RALYL: variants seen among roughly 807,000 people sequenced by gnomAD.
RALYL encodes the protein RALY RNA binding protein like, also known as RNA-binding Raly-like protein.
In RALYL, 29 loss-of-function variants were observed where a neutral mutation model predicts 35.1. The ratio of observed to expected loss-of-function variants is 0.83; its 90% confidence interval spans 0.61 to 1.13. The LOEUF (loss-of-function observed/expected upper bound fraction) is 1.13. Among genes scored for constraint, RALYL ranks in the 50% most tolerant of loss-of-function variants. The probability of loss-of-function intolerance (pLI) is 0.00; values close to 1 mark genes in which losing one functional copy is unlikely to be tolerated. For missense variants in RALYL, 359 were observed against 360.4 expected, an observed-to-expected ratio of 1.00 and a Z score of 0.03; for synonymous variants, 120 against 127.6, an observed-to-expected ratio of 0.94 and a Z score of 0.40.
chr8:84,347,728 T>G (rs561103679), intron 1 of RALYL, among the ~76,000 whole-genome samples: 1 of 152,244 alleles, frequency 6.6e-6, no homozygotes, highest in South Asian at 2.1e-4. Flanking sequence ...AGTCCTCTAA[T>G]TATTTGTGCT....
At chr8:84,684,103 C>T (rs2132036877) in intron 2 of RALYL, among the ~76,000 whole-genome samples, 1 of 152,264 alleles carries the variant, frequency 6.6e-6, no homozygotes, top group African/African-American at 2.4e-5. Context: ...TTCAGCACTA[C>T]TCACTGCTAA....
intron 1 of RALYL, among the ~76,000 whole-genome samples, chr8:84,365,243 A>G (rs1768388414): frequency 6.6e-6 from 1 of 152,190 alleles, no homozygotes; most frequent in Admixed American, 6.5e-5. Context: ...TATATTTTCT[A>G]GAAGGTTCCA....
intron 2 of RALYL, among the ~76,000 whole-genome samples, chr8:84,654,980 G>C (rs1829671797): frequency 6.6e-6 from 1 of 151,974 alleles, no homozygotes; most frequent in South Asian, 2.1e-4. Flanking sequence ...ATATGGTGGG[G>C]GTGGGTCTAT....
At chr8:84,584,672 G>A (rs1248623897) in intron 2 of RALYL, among the ~76,000 whole-genome samples, 1 of 151,724 alleles carries the variant, frequency 6.6e-6, no homozygotes, top group Non-Finnish European at 1.5e-5. Context: ...AAAAAGTTGT[G>A]AATATTTAGG....
chr8:84,723,910 T>C (rs1449500314), intron 2 of RALYL, among the ~76,000 whole-genome samples: 1 of 151,798 alleles, frequency 6.6e-6, no homozygotes, highest in African/African-American at 2.4e-5. Flanking sequence ...TATATTTATT[T>C]CTTTGGGTCA....
intron 1 of RALYL, among the ~76,000 whole-genome samples, chr8:84,378,517 C>T (rs1857358435): frequency 6.6e-6 from 1 of 151,528 alleles, no homozygotes. Flanking sequence ...ACTAGTATAC[C>T]CCTGAAAACA....
At chr8:84,497,642 G>GTTTTTTTTTTTTT (rs71271999) in intron 1 of RALYL, among the ~76,000 whole-genome samples, 48 of 117,212 alleles carry the variant, frequency 4.1e-4, no homozygotes, top group East Asian at 5.0e-4. Flanking sequence ...TTTTGTTTTT[G>GTTTTTTTTTTTTT]TTTTTTTTTT....
intron 1 of RALYL, among the ~76,000 whole-genome samples, chr8:84,471,229 G>T (rs2052700574): frequency 6.6e-6 from 1 of 152,082 alleles, no homozygotes; most frequent in Non-Finnish European, 1.5e-5. Context: ...GCTATTAAGA[G>T]AAATGCAGGT....
intron 1 of RALYL, among the ~76,000 whole-genome samples, chr8:84,216,950 C>T (rs1206875949): frequency 6.6e-6 from 1 of 152,072 alleles, no homozygotes; most frequent in Non-Finnish European, 1.5e-5. Flanking sequence ...AACCAGTATG[C>T]TCTGTTCCTT....
At chr8:84,396,248 T>G (rs1452099327) in intron 1 of RALYL, among the ~76,000 whole-genome samples, 1 of 152,016 alleles carries the variant, frequency 6.6e-6, no homozygotes, top group Non-Finnish European at 1.5e-5. Context: ...TTTGAAAGTT[T>G]TACCTTCCCA....
At chr8:84,679,279 T>A (rs373213926) in intron 2 of RALYL, 74 of 223,462 alleles carry the variant, frequency 3.3e-4, no homozygotes, top group African/African-American at 1.7e-3. Flanking sequence ...ATTACCATGA[T>A]GCCAGTGGAG....
At chr8:84,415,809 T>C (rs1033441871) in intron 1 of RALYL, among the ~76,000 whole-genome samples, 3 of 152,234 alleles carry the variant, frequency 2.0e-5, no homozygotes, top group African/African-American at 4.8e-5. Context: ...TTAGTGTTTC[T>C]GTATTTGTAT....
chr8:84,339,728 C>G (rs1413187001), intron 1 of RALYL, among the ~76,000 whole-genome samples: 1 of 151,912 alleles, frequency 6.6e-6, no homozygotes, highest in African/African-American at 2.4e-5. Context: ...AAACATTTCC[C>G]CCGTAAGCAT....
chr8:84,690,260 A>T (rs1387206963), intron 2 of RALYL, among the ~76,000 whole-genome samples: 1 of 152,198 alleles, frequency 6.6e-6, no homozygotes, highest in Non-Finnish European at 1.5e-5. Context: ...ACATGATGCT[A>T]AATTAAATAA....
intron 1 of RALYL, among the ~76,000 whole-genome samples, chr8:84,468,819 A>G (rs895754999): frequency 6.6e-5 from 10 of 152,154 alleles, no homozygotes; most frequent in South Asian, 2.1e-4. Context: ...ATAGTCCCGT[A>G]TTTCCTGGAG....
intron 1 of RALYL, among the ~76,000 whole-genome samples, chr8:84,395,289 A>G (rs891581171): frequency 2.6e-5 from 4 of 151,894 alleles, no homozygotes; most frequent in African/African-American, 9.7e-5. Context: ...TTCTGTTGCA[A>G]CCACATTGTG....
chr8:84,235,235 T>C (rs1246642537), intron 1 of RALYL, among the ~76,000 whole-genome samples: 7 of 152,212 alleles, frequency 4.6e-5, no homozygotes, highest in African/African-American at 1.7e-4. Context: ...TTTATTTTCA[T>C]TTTAAGAATT....
chr8:84,802,059 G>C (rs535434764), intron 3 of RALYL, among the ~76,000 whole-genome samples: 78 of 152,090 alleles, frequency 5.1e-4, no homozygotes, highest in African/African-American at 1.7e-3. Context: ...TTCTATAAAG[G>C]CCACATAGCA....
intron 1 of RALYL, among the ~76,000 whole-genome samples, chr8:84,306,903 G>A (rs1841923574): frequency 6.6e-6 from 1 of 152,138 alleles, no homozygotes; most frequent in African/African-American, 2.4e-5. Flanking sequence ...TACCTGGAGG[G>A]AACTTTTCCC....
Sources: allele counts gnomAD v4.1 joint callset (sites outside exome capture counted in the v4.1 genomes callset), GRCh38; gene constraint gnomAD v4.1.1; transcripts MANE v1.5; gene names NCBI Gene and HGNC (gene_info 2026-07-23, HGNC 2026-07-21).